The following LRMDA variants were observed in gnomAD, a reference collection of about 807,000 sequenced individuals.
LRMDA encodes the protein leucine-rich melanocyte differentiation-associated protein.
Under a neutral mutation model 29.8 loss-of-function variants are expected in LRMDA, and 18 were observed. The observed-to-expected ratio is 0.60, with a 90% CI of 0.42 to 0.90. The LOEUF (loss-of-function observed/expected upper bound fraction) is 0.90, where lower values mean the gene tolerates loss of function less well. Ranked by LOEUF, LRMDA falls within the 40% of genes least tolerant of loss-of-function variation. The probability of loss-of-function intolerance (pLI) is 0.00; values close to 1 mark genes in which losing one functional copy is unlikely to be tolerated. For synonymous variants in LRMDA, 125 were observed against 109.4 expected (o/e 1.14, Z -0.89); for missense variants, 273 against 273.9 (o/e 1.00, Z 0.02).
intron 2 of LRMDA, among the ~76,000 whole-genome samples, chr10:75,490,372 CACAG>C (rs776185353): frequency 1.6e-4 from 20 of 128,734 alleles, no homozygotes; most frequent in Non-Finnish European, 2.4e-4. Flanking sequence ...CACACACACA[CACAG>C]AGTCAACTTC....
In LRMDA at chr10:75,733,336, A is replaced by G. The variant is rs569965839; in HGVS notation, c.131+294842A>G. 3.3e-3 allele frequency among the ~76,000 whole-genome samples: 500 copies of G among 152,294 alleles called. 2 individuals are homozygous for G. The highest frequency in any genetic ancestry group is 5.7e-3 in the Non-Finnish European group (391 of 68,026). ...TGTGTTTTACCATCCAAGAAAGGCCAGTTAGGTTGGGTAATTTTCTGTGGT... is the reference window on the plus strand; with the variant it reads ...TGTGTTTTACCATCCAAGAAAGGCCGGTTAGGTTGGGTAATTTTCTGTGGT... On this transcript the variant is annotated intron_variant, in intron 2 of 6. Transcript: ENST00000611255.
At chr10:76,221,966 G>C (rs201974121) in intron 5 of LRMDA, among the ~76,000 whole-genome samples, 1 of 149,890 alleles carries the variant, frequency 6.7e-6, no homozygotes, top group Admixed American at 6.6e-5. Flanking sequence ...ATAACGCCAC[G>C]TATCTACAAC....
At chr10:75,490,401 G>T (rs1844972748) in intron 2 of LRMDA, among the ~76,000 whole-genome samples, 1 of 151,522 alleles carries the variant, frequency 6.6e-6, no homozygotes, top group Admixed American at 6.6e-5. Context: ...TTTCTGCTTT[G>T]GGGCTAACCC....
chr10:76,530,575 A>G (rs1442981507), intron 6 of LRMDA, among the ~76,000 whole-genome samples: 3 of 152,202 alleles, frequency 2.0e-5, no homozygotes, highest in Non-Finnish European at 4.4e-5. Context: ...AAAGTTAGCT[A>G]TGATGATGAC....
intron 2 of LRMDA, among the ~76,000 whole-genome samples, chr10:75,570,833 G>A (rs1039052587): frequency 1.3e-5 from 2 of 152,142 alleles, no homozygotes; most frequent in Admixed American, 1.3e-4. Flanking sequence ...ACTCTGAGAA[G>A]TCCTTTTTGG....
intron 5 of LRMDA, among the ~76,000 whole-genome samples, chr10:76,157,728 G>A (rs1207502837): frequency 6.6e-6 from 1 of 151,936 alleles, no homozygotes; most frequent in Non-Finnish European, 1.5e-5. Context: ...AAAATTATGT[G>A]TATGTGTGTA....
At chr10:76,121,025 G>T (rs964397562) in intron 5 of LRMDA, among the ~76,000 whole-genome samples, 1 of 151,916 alleles carries the variant, frequency 6.6e-6, no homozygotes, top group African/African-American at 2.4e-5. Flanking sequence ...TGGAGATGGG[G>T]TTTCACCGGA....
At position 75,691,143 on chromosome 10, in the gene LRMDA, TATATCTATATAC is replaced by T. The variant is rs1309267457; in HGVS notation, c.131+252653_131+252664del. Among the ~76,000 whole-genome samples the T allele has an allele frequency of 3.0e-4, 30 of 101,446 alleles. No homozygotes were observed. In the East Asian group the frequency reaches 4.5e-3, roughly 15 times the overall value. The allele number at this position is 101,446 out of a possible 152,430, so 66.6% of individuals were successfully genotyped here. ...CTATATACATAGATATATAGATCTA[TATATCTATATAC>T]ATAGATATATAGATCTATATATCTA... On this transcript the variant is annotated intron_variant, in intron 2 of 6. Transcript: ENST00000611255.
rs1267057673 is a variant in LRMDA at position 75,853,206 on chromosome 10, TA to T, written c.132-182801del. On this transcript the variant is annotated intron_variant, in intron 2 of 6. Transcript: ENST00000611255. Reference sequence around the variant, plus strand: ...AACCATATCAGAAGTGGAATGAAGATAGGGTTTTTAAGGAAAACTCATTCTT... The same window carrying T: ...AACCATATCAGAAGTGGAATGAAGATGGGTTTTTAAGGAAAACTCATTCTT... Among the ~76,000 whole-genome samples the T allele has an allele frequency of 3.9e-5, 6 of 152,270 alleles. No homozygotes were observed. The East Asian group carries it at 1.2e-3, about 29-fold the overall frequency.
Position 76,559,989 on chromosome 10 carries a change from T to G in LRMDA, c.*2701T>G, listed in dbSNP as rs1843603604. The G allele has an allele frequency of 6.6e-6, 1 of 152,208 alleles. No homozygotes were observed. The highest frequency in any genetic ancestry group is 6.5e-5 in the Admixed American group (1 of 15,280). The allele number at this position is 152,208 out of a possible 1,614,324, so 9.4% of individuals were successfully genotyped here. On this transcript the variant is annotated 3_prime_UTR_variant, in exon 7 of 7. Transcript: ENST00000611255. ...GGATTGTGGGGAATCCTATTAAAAGTACAACTATTGCAGTCATTTGCTTTT... is the reference window on the plus strand; with the variant it reads ...GGATTGTGGGGAATCCTATTAAAAGGACAACTATTGCAGTCATTTGCTTTT...
intron 2 of LRMDA, among the ~76,000 whole-genome samples, chr10:75,596,955 CTTT>C: frequency 6.9e-6 from 1 of 144,080 alleles, no homozygotes; most frequent in Admixed American, 6.9e-5. Flanking sequence ...TTCTTTCTTT[CTTT>C]TTTTTTTTTT....
At chr10:76,194,076 T>C (rs1368673851) in intron 5 of LRMDA, among the ~76,000 whole-genome samples, 1 of 152,196 alleles carries the variant, frequency 6.6e-6, no homozygotes, top group Admixed American at 6.5e-5. Context: ...TGGTGTGCAG[T>C]ATTGCTTGAG....
At chr10:75,686,404 C>T (rs1433429196) in intron 2 of LRMDA, among the ~76,000 whole-genome samples, 2 of 152,198 alleles carry the variant, frequency 1.3e-5, no homozygotes, top group African/African-American at 4.8e-5. Flanking sequence ...AGAAAGAGCA[C>T]CATATTATCC....
chr10:75,544,757 G>T (rs560740279), intron 2 of LRMDA, among the ~76,000 whole-genome samples: 12 of 151,758 alleles, frequency 7.9e-5, no homozygotes, highest in Admixed American at 3.9e-4. Context: ...AGAAACAATC[G>T]AAATGTTTTC....
chr10:75,679,864 G>A lies in LRMDA; in HGVS notation c.131+241370G>A, dbSNP rs369715719. On this transcript the variant is annotated intron_variant, in intron 2 of 6. Coordinates refer to ENST00000611255, the MANE Select transcript of LRMDA (RefSeq NM_001305581.2). ...ATCTCCTTCTTTGGAGCTCTGTTGCGTGTTGTGTTATTTGGATGTTTTTAA... is the reference window on the plus strand; with the variant it reads ...ATCTCCTTCTTTGGAGCTCTGTTGCATGTTGTGTTATTTGGATGTTTTTAA... Among the ~76,000 whole-genome samples the A allele has an allele frequency of 8.2e-4, 125 of 151,962 alleles. 3 individuals are homozygous for A. In the South Asian group the frequency reaches 0.025, roughly 30 times the overall value.
chr10:76,123,952 G>A (rs1266506714), intron 5 of LRMDA, among the ~76,000 whole-genome samples: 1 of 152,168 alleles, frequency 6.6e-6, no homozygotes, highest in Non-Finnish European at 1.5e-5. Flanking sequence ...TATTACCAAA[G>A]AGGCAACAGT....
chr10:76,266,085 A>G (rs1026686070), intron 5 of LRMDA, among the ~76,000 whole-genome samples: 1 of 152,204 alleles, frequency 6.6e-6, no homozygotes, highest in Admixed American at 6.5e-5. Context: ...AGCCTTGATT[A>G]ACTGATCTAG....
At chr10:75,564,066 TCAGA>T (rs1160351223) in intron 2 of LRMDA, among the ~76,000 whole-genome samples, 1 of 152,212 alleles carries the variant, frequency 6.6e-6, no homozygotes, top group Non-Finnish European at 1.5e-5. Flanking sequence ...TTCAAAGCTG[TCAGA>T]CAGGGACATT....
chr10:75,836,711 A>G (rs1229526500), intron 2 of LRMDA, among the ~76,000 whole-genome samples: 7 of 152,130 alleles, frequency 4.6e-5, no homozygotes, highest in Non-Finnish European at 8.8e-5. Context: ...CCTGCTTACA[A>G]TCTTCTCTGT....
Sources: gnomAD v4.1 joint callset for allele counts (sites outside exome capture counted in the v4.1 genomes callset) on GRCh38, gnomAD v4.1.1 for gene constraint, MANE v1.5 for transcripts, NCBI Gene and HGNC (gene_info 2026-07-23, HGNC 2026-07-21) for gene names.